Variants in ST6GALNAC1 observed in about 807,000 individuals in gnomAD.
ST6GALNAC1 encodes the protein alpha-N-acetylgalactosaminide alpha-2,6-sialyltransferase 1.
A neutral mutation model predicts 56.8 loss-of-function variants in ST6GALNAC1; 45 were observed. The ratio of observed to expected loss-of-function variants is 0.79; its 90% CI spans 0.62 to 1.02. The LOEUF (loss-of-function observed/expected upper bound fraction) is 1.02, where lower values mean the gene tolerates loss of function less well. Among genes scored for constraint, ST6GALNAC1 ranks in the 50% least tolerant of loss-of-function variants. The pLI is 0.00. For missense variants in ST6GALNAC1, 743 were observed against 754.8 expected (o/e 0.98, Z 0.18); for synonymous variants, 295 against 297.8 (o/e 0.99, Z 0.10).
chr17:76,636,791 C>T lies in ST6GALNAC1; in HGVS notation c.131+6717G>A, dbSNP rs376717919. ...GGTGTACCCAACAGCTCATTGAGAA[C>T]GGGCCATGATGACGATGGCGGTTTT... On this transcript the variant is annotated intron_variant, in intron 1 of 8. Transcript: ENST00000156626. 3.9e-5 allele frequency among the ~76,000 whole-genome samples: 6 copies of T among 152,140 alleles called. No homozygotes were observed. The East Asian group carries it at 7.7e-4, about 20-fold the overall frequency.
chr17:76,625,578 C>A (rs765013053), intron 8 of ST6GALNAC1, 51 bp from the exon 9 acceptor site: 1 of 1,594,910 alleles, frequency 6.3e-7, no homozygotes, highest in Admixed American at 1.7e-5. Context: ...GTTGCCCAGG[C>A]TTCTTCTCAT....
At chr17:76,617,482 A>G in the ST6GALNAC1 span, among the ~76,000 whole-genome samples, 1 of 152,090 alleles carries the variant, frequency 6.6e-6, no homozygotes, top group African/African-American at 2.4e-5. Context: ...ACTGTGGGCC[A>G]CCTCCCCATG....
At chr17:76,639,059 G>A (rs569021684) in intron 1 of ST6GALNAC1, among the ~76,000 whole-genome samples, 57 of 151,980 alleles carry the variant, frequency 3.8e-4, no homozygotes, top group Non-Finnish European at 7.1e-4. Context: ...CTAAAACCAC[G>A]TTCCCCCGAT....
rs78233788 is a variant in ST6GALNAC1 at position 76,628,927 on chromosome 17, G to A, written c.831+85C>T. 2,988 of 1,224,162 alleles carry A rather than the reference G, an allele frequency of 2.4e-3. 62 individuals are homozygous for A. The African/African-American group carries it at 0.041, about 17-fold the overall frequency. 75.8% of individuals were successfully genotyped at this position (1,224,162 alleles called of 1,614,324 possible). A position where few individuals can be genotyped will look rare whatever the true frequency, so the allele number is the denominator to read the frequency against. ...CAAAGTCTAGAAGCAGAGCCCAGGAGGTGAGGAGAGGGTGGGCTGGGCTTC... is the reference window on the plus strand; with the variant it reads ...CAAAGTCTAGAAGCAGAGCCCAGGAAGTGAGGAGAGGGTGGGCTGGGCTTC... On this transcript the variant is annotated intron_variant, in intron 2 of 8. Transcript: ENST00000156626.
rs1341863971 is a variant in ST6GALNAC1, at chr17:76,626,514, C to T, written c.1312-122G>A. On this transcript the variant is annotated intron_variant, in intron 5 of 8. Transcript: ENST00000156626. ...TCTGGACTGGTCTGACTGTCCTCCC[C>T]ACTCCTGCCCTTATAGGAGGGGAGC... 1.2e-5 allele frequency: 18 copies of T among 1,502,778 alleles called. No individual in the cohort carries two copies. In the East Asian group the frequency reaches 2.7e-4, roughly 23 times the overall value. The allele number at this position is 1,502,778 out of a possible 1,614,324, so 93.1% of individuals were successfully genotyped here.
At chr17:76,626,178 T>C in intron 6 of ST6GALNAC1, 83 bp from the exon 7 acceptor site, 2 of 1,539,186 alleles carry the variant, frequency 1.3e-6, no homozygotes, top group Non-Finnish European at 1.8e-6. Flanking sequence ...GCATGACTGG[T>C]ATCCCATCTC....
intron 1 of ST6GALNAC1, among the ~76,000 whole-genome samples, chr17:76,630,586 CTTT>C (rs201145440): frequency 6.6e-5 from 9 of 137,384 alleles, no homozygotes; most frequent in Non-Finnish European, 7.9e-5. Context: ...TGAAACCCTT[CTTT>C]TTTTTTTTTT....
chr17:76,618,696 G>A, the ST6GALNAC1 span, among the ~76,000 whole-genome samples: 1,440 of 151,896 alleles, frequency 9.5e-3, 13 homozygotes, highest in Middle Eastern at 0.031. Flanking sequence ...CAGGAGAATC[G>A]CTTGAGCCCA....
intron 6 of ST6GALNAC1, 58 bp from the exon 7 acceptor site, chr17:76,626,153 A>C: frequency 1.3e-6 from 2 of 1,585,926 alleles, no homozygotes; most frequent in Non-Finnish European, 1.7e-6. Flanking sequence ...GGGGTGGGCC[A>C]AGTCAGGGTC....
chr17:76,643,424 A>G, intron 1 of ST6GALNAC1, 84 bp downstream of exon 1: 1 of 1,501,446 alleles, frequency 6.7e-7, no homozygotes, highest in Non-Finnish European at 9.0e-7. Flanking sequence ...GGTGGCTCAG[A>G]CTTCCCCAGT....
Position 76,625,826 on chromosome 17 carries a change from C to A in ST6GALNAC1, c.1598G>T (p.Cys533Phe). ...ALLLLTALQLCDQVSAYGFIT... is the reference protein window; with the variant it reads ...ALLLLTALQLFDQVSAYGFIT... ...GCTGCAGTGGAGCCTTACCTGGTCA[C>A]AGAGCTGAAGGGCAGTGAGCAGCAG... The change falls in exon 8 of 9, where the codon TGT becomes TTT. Residue 533 changes from cysteine (C) to phenylalanine (F), a missense_variant. By Grantham distance (205) the Cys-to-Phe change is radical. Coordinates refer to ENST00000156626, the MANE Select transcript of ST6GALNAC1 (RefSeq NM_018414.5). 3 of 1,533,444 alleles carry A rather than the reference C, an allele frequency of 2.0e-6. No homozygotes were observed. Among genetic ancestry groups the A allele is most frequent in the Non-Finnish European group, 2.6e-6 (3 of 1,145,436 alleles). 95.0% of individuals were successfully genotyped at this position (1,533,444 alleles called of 1,614,324 possible).
chr17:76,629,202 G>A lies in ST6GALNAC1; in HGVS notation c.641C>T (p.Thr214Met), dbSNP rs201999966. Reference sequence around the variant, plus strand: ...TGCTGTGGTCACTCCTTTCTGTCTCGTCCTTGTTGACACTGCTCCTGTGGG... The same window carrying A: ...TGCTGTGGTCACTCCTTTCTGTCTCATCCTTGTTGACACTGCTCCTGTGGG... ...LAPTGAVSTR[T>M]RQKGVTTAVI... The change falls in exon 2 of 9, where the codon ACG becomes ATG. Residue 214 changes from threonine (T) to methionine (M), a missense_variant. By Grantham distance (81) the Thr-to-Met change is moderately conservative. Transcript: ENST00000156626. The A allele has an allele frequency of 5.8e-5, 94 of 1,614,088 alleles. No individual in the cohort carries two copies. The highest frequency in any genetic ancestry group is 2.3e-4 in the African/African-American group (17 of 75,004).
rs2075805383 is a variant in ST6GALNAC1, at chr17:76,626,756, C to A, written c.1206G>T (p.Gln402His). Residue 402 changes from glutamine (Q) to histidine (H), a missense_variant, in exon 5 of 9, where the codon CAG becomes CAT. By Grantham distance (24) the Gln-to-His change is conservative. Transcript: ENST00000156626. The part of the protein sequence containing the change: ...LSGALIKGYE[Q>H]DVGTRTSFYG... ...AGAAGGATGTCCGAGTCCCCACATC[C>A]TGTTCGTAGCCTTTAATGAGAGCTC... The A allele has an allele frequency of 6.2e-7, 1 of 1,614,242 alleles. No homozygotes were observed.
chr17:76,626,464 G>A, intron 5 of ST6GALNAC1, 72 bp from the exon 6 acceptor site: 1 of 1,536,086 alleles, frequency 6.5e-7, no homozygotes, highest in Non-Finnish European at 9.0e-7. Context: ...GCCCAGCTCT[G>A]ACTCCGACTG....
intron 1 of ST6GALNAC1, among the ~76,000 whole-genome samples, chr17:76,642,069 G>A (rs1410120943): frequency 6.7e-6 from 1 of 149,842 alleles, no homozygotes; most frequent in African/African-American, 2.5e-5. Context: ...TATCTCTCAT[G>A]CTACATATTG....
chr17:76,637,541 C>CT (rs2075993947), intron 1 of ST6GALNAC1: 2 of 394,866 alleles, frequency 5.1e-6, no homozygotes, highest in African/African-American at 4.1e-5. Flanking sequence ...ATTATGTAAG[C>CT]TTTTGGTACT....
In ST6GALNAC1 at chr17:76,625,454, C is replaced by A; in HGVS notation, c.1679G>T (p.Arg560Leu). 1 of 1,614,170 alleles carries A rather than the reference C, an allele frequency of 6.2e-7. No homozygotes were observed. The highest frequency in any genetic ancestry group is 8.5e-7 in the Non-Finnish European group (1 of 1,180,040). ...SDHYYDTSWK[R>L]LIFYINHDFK... The stretch of plus-strand genomic sequence containing the variant: ...GTCATGGTTTATGTAAAAGATCAGC[C>A]GCTTCCATGATGTATCATAGTAGTG... The change falls in exon 9 of 9, where the codon CGG becomes CTG. Residue 560 changes from arginine (R) to leucine (L), a missense_variant. Physicochemically the swap from Arg to Leu is moderately radical, Grantham distance 102. Coordinates refer to ENST00000156626, the MANE Select transcript of ST6GALNAC1 (RefSeq NM_018414.5).
In ST6GALNAC1 at chr17:76,625,533, T is replaced by A; in HGVS notation, c.1606-6A>T. The A allele has an allele frequency of 1.2e-6, 2 of 1,613,426 alleles. No homozygotes were observed. The highest frequency in any genetic ancestry group is 2.2e-5 in the East Asian group (1 of 44,874). ...ATGAAGCCATAAGCACTCACCTACA[T>A]CACGGTTGGAGGAGAAACACGGCCT... On this transcript the variant is annotated splice_region_variant and splice_polypyrimidine_tract_variant and intron_variant, in intron 8 of 8. Transcript: ENST00000156626.
Position 76,629,591 on chromosome 17 carries a change from A to G in ST6GALNAC1, c.252T>C (p.Asn84=), listed in dbSNP as rs2075863419. Residue 84 remains asparagine (N), a synonymous_variant, in exon 2 of 9, where the codon AAT becomes AAC. Transcript: ENST00000156626. ...TIYAEPVPEN[N]ALNTQTQPKA... is the part of the protein sequence containing the mutation. Reference sequence around the variant, plus strand: ...TGGGCTGGGTTTGTGTGTTGAGGGCATTGTTCTCTGGCACTGGCTCTGCAT... The same window carrying G: ...TGGGCTGGGTTTGTGTGTTGAGGGCGTTGTTCTCTGGCACTGGCTCTGCAT... 6.2e-7 allele frequency: 1 copy of G among 1,613,034 alleles called. No individual in the cohort carries two copies. Among genetic ancestry groups the G allele is most frequent in the South Asian group, 1.1e-5 (1 of 91,030 alleles).
Sources: allele counts gnomAD v4.1 joint callset (sites outside exome capture counted in the v4.1 genomes callset), GRCh38; gene constraint gnomAD v4.1.1; transcripts MANE v1.5; gene names NCBI Gene and HGNC (gene_info 2026-07-23, HGNC 2026-07-21).